AGBL4: variants seen among roughly 807,000 people sequenced by gnomAD.
The protein encoded by AGBL4 is cytosolic carboxypeptidase 6.
A neutral mutation model predicts 66.4 loss-of-function variants in AGBL4; 58 were observed. The observed-to-expected ratio is 0.87, with a 90% confidence interval of 0.71 to 1.09. The LOEUF (loss-of-function observed/expected upper bound fraction) is 1.09, where lower values mean the gene tolerates loss of function less well. Among genes scored for constraint, AGBL4 ranks in the 50% least tolerant of loss-of-function variants. The pLI, the probability that AGBL4 is intolerant of heterozygous loss-of-function variation, is 0.00. For synonymous variants in AGBL4, 234 were observed against 222.9 expected, an observed-to-expected ratio of 1.05 and a Z score of -0.44; for missense variants, 579 against 631.0, an observed-to-expected ratio of 0.92 and a Z score of 0.88.
chr1:49,204,910 T>C lies in AGBL4; in HGVS notation c.377+40860A>G, dbSNP rs1286214942. ...ACAGCTTTTCTAATGACATCATAGA[T>C]TCAGAGAGGCAAAATGATTGCCCAG... is the stretch of plus-strand genomic sequence containing the variant. On this transcript the variant is annotated intron_variant, in intron 4 of 13. Transcript: ENST00000371839. 2.6e-5 allele frequency among the ~76,000 whole-genome samples: 4 copies of C among 152,120 alleles called. No homozygotes were observed. In the South Asian group the frequency reaches 6.2e-4, roughly 24 times the overall value.
intron 3 of AGBL4, among the ~76,000 whole-genome samples, chr1:49,367,089 G>A (rs1439668424): frequency 6.6e-6 from 1 of 152,168 alleles, no homozygotes; most frequent in African/African-American, 2.4e-5. Context: ...CACAAAACAG[G>A]ATGGATAATG....
At chr1:49,932,680 TAAA>T (rs1427176672) in intron 1 of AGBL4, among the ~76,000 whole-genome samples, 1 of 150,252 alleles carries the variant, frequency 6.7e-6, no homozygotes, top group African/African-American at 2.5e-5. Context: ...AATGGAAAAA[TAAA>T]AAATCCCAAC....
intron 3 of AGBL4, among the ~76,000 whole-genome samples, chr1:49,267,140 C>T (rs1275037062): frequency 6.6e-6 from 1 of 152,214 alleles, no homozygotes; most frequent in Non-Finnish European, 1.5e-5. Flanking sequence ...ACAGTGATCA[C>T]ATCTGCCTGA....
intron 4 of AGBL4, among the ~76,000 whole-genome samples, chr1:49,055,506 A>T (rs1176687152): frequency 1.3e-5 from 2 of 152,070 alleles, no homozygotes; most frequent in Non-Finnish European, 2.9e-5. Flanking sequence ...TAATTAATTG[A>T]ATGCATCAAC....
At chr1:49,780,903 CAATCA>C (rs1159497366) in intron 2 of AGBL4, among the ~76,000 whole-genome samples, 5 of 151,896 alleles carry the variant, frequency 3.3e-5, no homozygotes, top group African/African-American at 1.2e-4. Context: ...TTAAATAATC[CAATCA>C]AAAGGCAGAC....
At chr1:49,615,252 C>G (rs1478449922) in intron 3 of AGBL4, among the ~76,000 whole-genome samples, 1 of 152,120 alleles carries the variant, frequency 6.6e-6, no homozygotes, top group Non-Finnish European at 1.5e-5. Flanking sequence ...TCCTGACAGA[C>G]TGATGACAAG....
intron 3 of AGBL4, among the ~76,000 whole-genome samples, chr1:49,431,584 GAGA>G (rs1346464163): frequency 6.6e-6 from 1 of 152,116 alleles, no homozygotes; most frequent in Non-Finnish European, 1.5e-5. Flanking sequence ...TCAAGTGATT[GAGA>G]AGGACACCAG....
At chr1:48,846,751 C>A (rs973186547) in intron 6 of AGBL4, among the ~76,000 whole-genome samples, 2 of 151,784 alleles carry the variant, frequency 1.3e-5, no homozygotes, top group African/African-American at 4.8e-5. Flanking sequence ...TGAATCCAGG[C>A]TCAGCAGGAA....
At chr1:48,695,486 C>T (rs1646700395) in intron 6 of AGBL4, among the ~76,000 whole-genome samples, 1 of 152,200 alleles carries the variant, frequency 6.6e-6, no homozygotes, top group African/African-American at 2.4e-5. Flanking sequence ...TTGAGTAATG[C>T]CATTAACACA....
At chr1:49,777,051 C>T (rs185633515) in intron 2 of AGBL4, among the ~76,000 whole-genome samples, 2 of 152,110 alleles carry the variant, frequency 1.3e-5, no homozygotes, top group East Asian at 1.9e-4. Flanking sequence ...CAAGAAAGGA[C>T]CATACGGTAT....
chr1:48,723,693 TAAAAG>T (rs1182805212), intron 6 of AGBL4, among the ~76,000 whole-genome samples: 1 of 152,174 alleles, frequency 6.6e-6, no homozygotes, highest in East Asian at 1.9e-4. Context: ...TTGGCTATAA[TAAAAG>T]AAAATATAAC....
At chr1:49,041,399 G>A (rs2149050081) in intron 5 of AGBL4, among the ~76,000 whole-genome samples, 1 of 152,152 alleles carries the variant, frequency 6.6e-6, no homozygotes, top group South Asian at 2.1e-4. Flanking sequence ...AACCCACAGA[G>A]CTTCCCTGAT....
At chr1:49,153,028 G>A (rs1237259661) in intron 4 of AGBL4, among the ~76,000 whole-genome samples, 2 of 152,084 alleles carry the variant, frequency 1.3e-5, no homozygotes, top group Non-Finnish European at 2.9e-5. Flanking sequence ...GGGGAGAGGT[G>A]GGAAGGAAGG....
chr1:49,734,403 G>A (rs1436357955), intron 2 of AGBL4, among the ~76,000 whole-genome samples: 1 of 151,866 alleles, frequency 6.6e-6, no homozygotes, highest in African/African-American at 2.4e-5. Context: ...GAAGACCTCA[G>A]GAATCTACAG....
At chr1:49,698,924 T>C (rs994383745) in intron 2 of AGBL4, among the ~76,000 whole-genome samples, 2 of 152,078 alleles carry the variant, frequency 1.3e-5, no homozygotes, top group Non-Finnish European at 2.9e-5. Context: ...TACAAATTTG[T>C]AGTTTCAAAA....
intron 2 of AGBL4, among the ~76,000 whole-genome samples, chr1:49,803,816 A>T (rs1050571762): frequency 3.3e-5 from 5 of 152,214 alleles, no homozygotes; most frequent in Non-Finnish European, 7.3e-5. Flanking sequence ...GTACTATCTT[A>T]ATAAACCCAG....
chr1:48,715,295 A>G (rs1303527302), intron 6 of AGBL4, among the ~76,000 whole-genome samples: 1 of 152,200 alleles, frequency 6.6e-6, no homozygotes, highest in Non-Finnish European at 1.5e-5. Flanking sequence ...CTCAAGGAGA[A>G]CCAACCAGTC....
At chr1:48,912,008 C>T (rs1056537218) in intron 5 of AGBL4, among the ~76,000 whole-genome samples, 1 of 152,164 alleles carries the variant, frequency 6.6e-6, no homozygotes, top group Non-Finnish European at 1.5e-5. Context: ...GATCATTTCT[C>T]ATTTCCCTCT....
At chr1:49,148,474 G>A (rs1646263318) in intron 4 of AGBL4, among the ~76,000 whole-genome samples, 1 of 152,142 alleles carries the variant, frequency 6.6e-6, no homozygotes, top group South Asian at 2.1e-4. Context: ...TTATCACTGA[G>A]CCAGAACTGA....
Sources: gnomAD v4.1 joint callset for allele counts (sites outside exome capture counted in the v4.1 genomes callset) on GRCh38, gnomAD v4.1.1 for gene constraint, MANE v1.5 for transcripts, NCBI Gene and HGNC (gene_info 2026-07-23, HGNC 2026-07-21) for gene names.